The following APBB2 variants were observed in gnomAD, a reference collection of about 807,000 sequenced individuals.
APBB2 encodes the protein Fe65-like 1.
In APBB2, 38 loss-of-function variants were observed where a neutral mutation model predicts 82.5. The ratio of observed to expected loss-of-function variants is 0.46; its 90% CI spans 0.36 to 0.60. The LOEUF is 0.60. Among genes scored for constraint, APBB2 ranks in the 20% least tolerant of loss-of-function variants. The probability of loss-of-function intolerance (pLI) is 0.00; values close to 1 mark genes in which losing one functional copy is unlikely to be tolerated. For synonymous variants in APBB2, 341 were observed against 368.2 expected, an observed-to-expected ratio of 0.93 and a Z score of 0.85; for missense variants, 772 against 972.3, an observed-to-expected ratio of 0.79 and a Z score of 2.74.
Position 40,951,124 on chromosome 4 carries a change from G to C in APBB2, c.836-6051C>G, listed in dbSNP as rs546693017. Among the ~76,000 whole-genome samples, 5 of 152,294 alleles carry C rather than the reference G, an allele frequency of 3.3e-5. No homozygotes were observed. The East Asian group carries it at 7.7e-4, about 23-fold the overall frequency. On this transcript the variant is annotated intron_variant, in intron 6 of 17. Transcript: ENST00000508593. ...ACTGGAGGATGAATACCTGGAGTGG[G>C]GGAGAGACAGTGAAGCTCACAGAGA...
At chr4:40,970,586 G>C (rs1237617556) in intron 6 of APBB2, among the ~76,000 whole-genome samples, 1 of 152,082 alleles carries the variant, frequency 6.6e-6, no homozygotes, top group Non-Finnish European at 1.5e-5. Flanking sequence ...AGTGAGACTA[G>C]AATGCTCTGA....
intron 1 of APBB2, among the ~76,000 whole-genome samples, chr4:41,172,956 T>A (rs1768727644): frequency 6.6e-6 from 1 of 152,188 alleles, no homozygotes; most frequent in African/African-American, 2.4e-5. Context: ...CACACTACAC[T>A]TTTTTTACTC....
chr4:41,121,377 G>A (rs754131943), intron 2 of APBB2, among the ~76,000 whole-genome samples: 21 of 152,220 alleles, frequency 1.4e-4, no homozygotes, highest in African/African-American at 2.9e-4. Flanking sequence ...AATGAGAAAT[G>A]TCCTCAAATT....
At chr4:41,035,765 T>C (rs1718910796) in intron 4 of APBB2, among the ~76,000 whole-genome samples, 1 of 152,246 alleles carries the variant, frequency 6.6e-6, no homozygotes, top group Admixed American at 6.5e-5. Context: ...GTACTGAATA[T>C]GTACAGACTT....
At chr4:41,000,630 T>G (rs148095477) in intron 6 of APBB2, among the ~76,000 whole-genome samples, 1 of 152,206 alleles carries the variant, frequency 6.6e-6, no homozygotes, top group African/African-American at 2.4e-5. Flanking sequence ...GTCCCTCAAT[T>G]TTGAAATCGT....
intron 15 of APBB2, among the ~76,000 whole-genome samples, chr4:40,824,587 A>C (rs1204033821): frequency 6.6e-6 from 1 of 152,194 alleles, no homozygotes; most frequent in African/African-American, 2.4e-5. Flanking sequence ...TCCCAGGCTC[A>C]GATGATCCTC....
chr4:40,859,654 C>T (rs2154334100), intron 12 of APBB2, among the ~76,000 whole-genome samples: 2 of 152,312 alleles, frequency 1.3e-5, no homozygotes, highest in East Asian at 3.9e-4. Flanking sequence ...TATCCATGCT[C>T]GAACCTTAAA....
chr4:40,815,966 G>A lies in APBB2; in HGVS notation c.*126C>T. The A allele has an allele frequency of 9.3e-7, 1 of 1,071,124 alleles. No individual in the cohort carries two copies. Among genetic ancestry groups the A allele is most frequent in the South Asian group, 1.5e-5 (1 of 66,162 alleles). 66.4% of individuals were successfully genotyped at this position (1,071,124 alleles called of 1,614,324 possible). A position where few individuals can be genotyped will look rare whatever the true frequency, so the allele number is the denominator to read the frequency against. ...GAACATGCTTGTCTAACACTGCTTG[G>A]TTAAGGGTAAATTCTCTGAAGACAA... On this transcript the variant is annotated 3_prime_UTR_variant, in exon 18 of 18. Transcript: ENST00000508593.
chr4:41,121,548 ACTC>A (rs1015136505), intron 2 of APBB2, among the ~76,000 whole-genome samples: 6 of 151,888 alleles, frequency 4.0e-5, no homozygotes, highest in African/African-American at 1.5e-4. Flanking sequence ...TGCAGCTAAG[ACTC>A]CTGAGGTGTC....
chr4:40,915,341 GTAC>G (rs1401622312), intron 10 of APBB2, among the ~76,000 whole-genome samples: 3 of 152,168 alleles, frequency 2.0e-5, no homozygotes, highest in African/African-American at 7.2e-5. Context: ...TTCACCTGAT[GTAC>G]TTTTATTCCA....
At chr4:40,833,837 C>T (rs2465580) in intron 12 of APBB2, among the ~76,000 whole-genome samples, 2 of 152,002 alleles carry the variant, frequency 1.3e-5, no homozygotes, top group Non-Finnish European at 2.9e-5. Flanking sequence ...CAGGCCCCAG[C>T]GTGCAACATC....
rs1437741796 is a variant in APBB2 at position 40,832,858 on chromosome 4, G to A, written c.1530-2281C>T. 6.6e-6 allele frequency among the ~76,000 whole-genome samples: 1 copy of A among 152,166 alleles called. No individual in the cohort carries two copies. The highest frequency in any genetic ancestry group is 2.1e-4 in the South Asian group (1 of 4,818). ...ATCACCGGTACTAATACATGTTTGC[G>A]GGCTGAGTACAAGTGTGGGCCTGTG... On this transcript the variant is annotated intron_variant, in intron 12 of 17. Coordinates refer to ENST00000508593, the MANE Select transcript of APBB2 (RefSeq NM_004307.2). The surrounding 1 kb of genome is among the most constrained non-coding windows in gnomAD (Gnocchi z 4.8).
intron 6 of APBB2, among the ~76,000 whole-genome samples, chr4:40,976,257 CCAA>C (rs1797145771): frequency 6.6e-6 from 1 of 151,934 alleles, no homozygotes; most frequent in African/African-American, 2.4e-5. Flanking sequence ...ATGAAAAAAA[CCAA>C]CAATGTTGAA....
intron 12 of APBB2, among the ~76,000 whole-genome samples, chr4:40,856,335 C>G (rs1761174668): frequency 6.6e-6 from 1 of 152,186 alleles, no homozygotes; most frequent in African/African-American, 2.4e-5. Context: ...CACAGATTCC[C>G]CCACAAGCTA....
chr4:40,851,428 G>A lies in APBB2; in HGVS notation c.1530-20851C>T, dbSNP rs551360339. 3.3e-5 allele frequency among the ~76,000 whole-genome samples: 5 copies of A among 152,236 alleles called. No individual in the cohort carries two copies. The South Asian group carries it at 8.3e-4, about 25-fold the overall frequency. On this transcript the variant is annotated intron_variant, in intron 12 of 17. Coordinates refer to ENST00000508593, the MANE Select transcript of APBB2 (RefSeq NM_004307.2). ...CTTACAGTGTTTTAAAAGGGAGGGC[G>A]ATGAAAAACAAAACACACCAGAATC...
chr4:40,905,989 G>A (rs1382496005), intron 10 of APBB2, among the ~76,000 whole-genome samples: 1 of 152,082 alleles, frequency 6.6e-6, no homozygotes, highest in Non-Finnish European at 1.5e-5. Context: ...GGGTGCCACT[G>A]TCCTGGAGGG....
intron 12 of APBB2, among the ~76,000 whole-genome samples, chr4:40,872,065 C>G (rs1002032734): frequency 6.6e-6 from 1 of 152,216 alleles, no homozygotes; most frequent in Non-Finnish European, 1.5e-5. Context: ...GGCGCAGTTA[C>G]GCATCTTGCT....
chr4:40,953,814 C>A (rs1790871885), intron 6 of APBB2, among the ~76,000 whole-genome samples: 1 of 152,310 alleles, frequency 6.6e-6, no homozygotes, highest in South Asian at 2.1e-4. Flanking sequence ...AGAGTGGGAG[C>A]TGAAAGCCAT....
At chr4:41,013,549 G>A in intron 6 of APBB2, 34 bp downstream of exon 6, 3 of 1,513,944 alleles carry the variant, frequency 2.0e-6, no homozygotes, top group Non-Finnish European at 2.7e-6. Context: ...AAAAAAAAAA[G>A]TGCCAGCTGA....
Sources: allele counts gnomAD v4.1 joint callset (sites outside exome capture counted in the v4.1 genomes callset), GRCh38; gene constraint gnomAD v4.1.1; non-coding constraint Gnocchi (gnomAD v3.1); transcripts MANE v1.5; gene names NCBI Gene and HGNC (gene_info 2026-07-23, HGNC 2026-07-21).